The following DDA1 variants were observed in gnomAD, a reference collection of about 807,000 sequenced individuals.
DDA1 encodes DET1 and DDB1 associated 1.
DDA1 carries 3 observed loss-of-function variants against 18.6 expected under a neutral mutation model. The ratio of observed to expected loss-of-function variants is 0.16; its 90% CI spans 0.07 to 0.42. The LOEUF (loss-of-function observed/expected upper bound fraction) is 0.42. Among genes scored for constraint, DDA1 ranks in the 10% least tolerant of loss-of-function variants. The pLI, the probability that DDA1 is intolerant of heterozygous loss-of-function variation, is 0.99. For synonymous variants in DDA1, 52 were observed against 54.0 expected, an observed-to-expected ratio of 0.96 and a Z score of 0.17; for missense variants, 105 against 138.2, an observed-to-expected ratio of 0.76 and a Z score of 1.20.
intron 3 of DDA1, among the ~76,000 whole-genome samples, chr19:17,315,232 C>CACACACGTGTAT (rs2074202087): frequency 2.1e-5 from 1 of 47,212 alleles, no homozygotes; most frequent in Non-Finnish European, 4.6e-5. Context: ...CGTGTATACA[C>CACACACGTGTAT]ACACACGTGT....
Position 17,314,287 on chromosome 19 carries a change from AC to A in DDA1, c.85-47del. ...GGGTGCTGAGTGGAGGGATGAGGAG[AC>A]CCCAGGCCCATGCACTCTCCTAACC... On this transcript the variant is annotated intron_variant, in intron 2 of 4. Transcript: ENST00000359866. This position sits in a 1 kb window ranked among gnomAD's most constrained non-coding sequence, Gnocchi z 4.6. The A allele has an allele frequency of 6.2e-7, 1 of 1,609,834 alleles. No homozygotes were observed. Among genetic ancestry groups the A allele is most frequent in the Non-Finnish European group, 8.5e-7 (1 of 1,176,584 alleles).
intron 3 of DDA1, among the ~76,000 whole-genome samples, chr19:17,315,225 G>GTATA (rs1188574872): frequency 3.4e-4 from 5 of 14,740 alleles, no homozygotes; most frequent in Non-Finnish European, 6.3e-4. Context: ...ACACACACGT[G>GTATA]TATACACACA....
intron 1 of DDA1, among the ~76,000 whole-genome samples, chr19:17,312,548 C>T (rs1228509459): frequency 6.6e-6 from 1 of 152,058 alleles, no homozygotes; most frequent in African/African-American, 2.4e-5. Flanking sequence ...GACAGGGACC[C>T]CTCCTCACCC....
chr19:17,317,589 C>CCTGAGAGG (rs1374971769), intron 4 of DDA1, among the ~76,000 whole-genome samples: 1 of 150,930 alleles, frequency 6.6e-6, no homozygotes, highest in Admixed American at 6.6e-5. Flanking sequence ...CCCGGAACTG[C>CCTGAGAGG]CTGAGAGGCT....
chr19:17,322,444 T>G lies in DDA1; in HGVS notation c.*2788T>G, dbSNP rs1306299096. 3 of 153,010 alleles carry G rather than the reference T, an allele frequency of 2.0e-5. No individual in the cohort carries two copies. The highest frequency in any genetic ancestry group is 4.4e-5 in the Non-Finnish European group (3 of 68,562). 9.5% of individuals were successfully genotyped at this position (153,010 alleles called of 1,614,324 possible). A position where few individuals can be genotyped will look rare whatever the true frequency, so the allele number is the denominator to read the frequency against. On this transcript the variant is annotated 3_prime_UTR_variant, in exon 5 of 5. Transcript: ENST00000359866. ...CTGTTCCCCCAAACTGCCTTCCACC[T>G]TCTCCGCCTTTGCACAGGCTGTTCT...
At chr19:17,313,869 C>T (rs1368799705) in intron 1 of DDA1, among the ~76,000 whole-genome samples, 154 bp from the exon 2 acceptor site, 1 of 152,164 alleles carries the variant, frequency 6.6e-6, no homozygotes, top group Non-Finnish European at 1.5e-5. Flanking sequence ...GTGGTCCCGA[C>T]AGTGTATCCA....
intron 4 of DDA1, among the ~76,000 whole-genome samples, chr19:17,316,638 G>T (rs2074214482): frequency 6.6e-6 from 1 of 151,950 alleles, no homozygotes; most frequent in Non-Finnish European, 1.5e-5. Flanking sequence ...ACTTTGGGAG[G>T]CCAAGGTGGG....
chr19:17,317,728 A>C (rs1027611186), intron 4 of DDA1, among the ~76,000 whole-genome samples: 1 of 150,596 alleles, frequency 6.6e-6, no homozygotes, highest in African/African-American at 2.5e-5. Flanking sequence ...AATCCCAGCT[A>C]TTCAGGAGGC....
chr19:17,316,071 A>G (rs974236738), intron 4 of DDA1, 76 bp downstream of exon 4: 1 of 1,511,044 alleles, frequency 6.6e-7, no homozygotes, highest in African/African-American at 1.4e-5. Flanking sequence ...TTCTGAGCAC[A>G]GGAAGGACTC....
chr19:17,319,863 A>G lies in DDA1; in HGVS notation c.*207A>G. On this transcript the variant is annotated 3_prime_UTR_variant, in exon 5 of 5. Transcript: ENST00000359866. ...TGTAACCTGTATCAAGCGTTGGTTA[A>G]AGGGGACATCAGACCCAGTAGTGTG... 1.8e-6 allele frequency: 1 copy of G among 555,916 alleles called. No homozygotes were observed. Among genetic ancestry groups the G allele is most frequent in the Middle Eastern group, 4.7e-4 (1 of 2,144 alleles). 34.4% of individuals were successfully genotyped at this position (555,916 alleles called of 1,614,324 possible).
intron 4 of DDA1, 133 bp downstream of exon 4, chr19:17,316,128 C>T (rs1279457557): frequency 1.5e-5 from 15 of 1,004,094 alleles, no homozygotes; most frequent in East Asian, 1.2e-4. Flanking sequence ...GTGCCCTGGG[C>T]GATCCAGGAG....
intron 4 of DDA1, among the ~76,000 whole-genome samples, chr19:17,317,182 G>A (rs1192761973): frequency 6.6e-6 from 1 of 152,108 alleles, no homozygotes; most frequent in African/African-American, 2.4e-5. Context: ...CCAAGATCAT[G>A]CCACTGCACT....
chr19:17,315,225 GTA>G (rs1188574872), intron 3 of DDA1, among the ~76,000 whole-genome samples: 1 of 14,740 alleles, frequency 6.8e-5, no homozygotes, highest in East Asian at 3.9e-4. Flanking sequence ...ACACACACGT[GTA>G]TACACACACA....
rs538840388 is a variant in DDA1, at chr19:17,320,311, C to G, written c.*655C>G. ...TCCTACTTGACCTCGCGTCTTTGCT[C>G]CACACACCTTGGCTGCAGAGGACGG... On this transcript the variant is annotated 3_prime_UTR_variant, in exon 5 of 5. Transcript: ENST00000359866. 6.6e-6 allele frequency: 1 copy of G among 152,320 alleles called. No individual in the cohort carries two copies. Among genetic ancestry groups the G allele is most frequent in the African/African-American group, 2.4e-5 (1 of 41,462 alleles). 9.4% of individuals were successfully genotyped at this position (152,320 alleles called of 1,614,324 possible).
intron 4 of DDA1, among the ~76,000 whole-genome samples, chr19:17,318,532 A>C (rs2074224555): frequency 6.9e-6 from 1 of 143,922 alleles, no homozygotes; most frequent in Non-Finnish European, 1.5e-5. Flanking sequence ...TGCCTGGCCT[A>C]ATTTTTGTAT....
chr19:17,315,671 CAT>C (rs770951476), intron 3 of DDA1: 121 of 542,038 alleles, frequency 2.2e-4, no homozygotes, highest in Non-Finnish European at 3.6e-4. Flanking sequence ...CTGGGAGAAA[CAT>C]AGGCATGAGA....
At chr19:17,313,802 G>A (rs1417904392) in intron 1 of DDA1, among the ~76,000 whole-genome samples, 1 of 152,098 alleles carries the variant, frequency 6.6e-6, no homozygotes. Context: ...CTAATTAGGG[G>A]GCTGTCATGA....
intron 3 of DDA1, among the ~76,000 whole-genome samples, chr19:17,315,023 G>A (rs2145673899): frequency 6.6e-6 from 1 of 151,334 alleles, no homozygotes; most frequent in East Asian, 1.9e-4. Context: ...GATTGCTTGA[G>A]GCCAGGAGTT....
intron 1 of DDA1, among the ~76,000 whole-genome samples, chr19:17,312,377 C>A (rs542766088): frequency 6.6e-6 from 1 of 151,956 alleles, no homozygotes; most frequent in African/African-American, 2.4e-5. Context: ...CCCGAAGTGT[C>A]GGGGGAACAA....
Sources: gnomAD v4.1 joint callset for allele counts (sites outside exome capture counted in the v4.1 genomes callset) on GRCh38, gnomAD v4.1.1 for gene constraint, Gnocchi (gnomAD v3.1) non-coding constraint, MANE v1.5 for transcripts, NCBI Gene and HGNC (gene_info 2026-07-23, HGNC 2026-07-21) for gene names.